The following DOK7 variants were observed in gnomAD, a reference collection of about 807,000 sequenced individuals.
The protein encoded by DOK7 is protein Dok-7.
In DOK7, 32 loss-of-function variants were observed where a neutral mutation model predicts 30.7. The ratio of observed to expected loss-of-function variants is 1.04; its 90% CI spans 0.79 to 1.40. DOK7 has a LOEUF of 1.40. Ranked by LOEUF, DOK7 falls within the 40% of genes most tolerant of loss-of-function variation. The pLI is 0.00. For synonymous variants in DOK7, 447 were observed against 324.1 expected (o/e 1.38, Z -4.07); for missense variants, 1,007 against 699.2 (o/e 1.44, Z -4.97).
At chr4:3,479,656 G>GCCCTCTC (rs1727321405) in intron 4 of DOK7, among the ~76,000 whole-genome samples, 1 of 152,248 alleles carries the variant, frequency 6.6e-6, no homozygotes, top group African/African-American at 2.4e-5. Context: ...CCAAGGCGAT[G>GCCCTCTC]GCTGCGCCTC....
chr4:3,487,427 G>T (rs374723610), intron 5 of DOK7, among the ~76,000 whole-genome samples: 1 of 152,204 alleles, frequency 6.6e-6, no homozygotes, highest in African/African-American at 2.4e-5. Context: ...GCTTTCTGCC[G>T]TCCTCCTGTG....
At chr4:3,466,799 G>A (rs1198755081) in intron 2 of DOK7, among the ~76,000 whole-genome samples, 2 of 152,206 alleles carry the variant, frequency 1.3e-5, no homozygotes, top group East Asian at 1.9e-4. Context: ...CTGGAGCCTC[G>A]TCCTGGGCTG....
chr4:3,492,935 C>T lies in DOK7; in HGVS notation c.949C>T (p.Pro317Ser). 2 of 1,557,502 alleles carry T rather than the reference C, an allele frequency of 1.3e-6. No individual in the cohort carries two copies. The highest frequency in any genetic ancestry group is 1.4e-5 in the African/African-American group (1 of 73,704). Residue 317 changes from proline to serine, a missense_variant, in exon 7 of 7, where the codon CCA (proline) becomes TCA (serine). Pro to Ser is a moderately conservative substitution (Grantham distance 74). Coordinates refer to ENST00000340083, the MANE Select transcript of DOK7 (RefSeq NM_173660.5). ...GGAAGCCATGGTGGGTGCCTCAAGGCCACCCCCCAAGCCGCTGCGTCCGCG... is the reference window on the plus strand; with the variant it reads ...GGAAGCCATGGTGGGTGCCTCAAGGTCACCCCCCAAGCCGCTGCGTCCGCG... ...AGEAMVGASRPPPKPLRPRQL... is the reference protein window; with the variant it reads ...AGEAMVGASRSPPKPLRPRQL...
chr4:3,466,523 C>G (rs150412140), intron 2 of DOK7, among the ~76,000 whole-genome samples: 1 of 152,196 alleles, frequency 6.6e-6, no homozygotes, highest in Non-Finnish European at 1.5e-5. Context: ...CCTGCCCCAA[C>G]GGACTGGGGC....
At chr4:3,468,901 A>G (rs1378681668) in intron 2 of DOK7, among the ~76,000 whole-genome samples, 1 of 125,134 alleles carries the variant, frequency 8.0e-6, no homozygotes, top group African/African-American at 3.1e-5. Flanking sequence ...GTATGTGTGC[A>G]TGTCTGTGTG....
chr4:3,478,048 A>G (rs190636371), intron 4 of DOK7, among the ~76,000 whole-genome samples: 1,907 of 152,208 alleles, frequency 0.013, 44 homozygotes, highest in African/African-American at 0.043. Context: ...GTCCTGACAC[A>G]GGCAGCCTGT....
At chr4:3,474,821 CA>C (rs112450151) in intron 3 of DOK7, among the ~76,000 whole-genome samples, 12 of 147,774 alleles carry the variant, frequency 8.1e-5, no homozygotes, top group East Asian at 2.0e-4. Context: ...GACTCCATCT[CA>C]AAAAAAAAAG....
chr4:3,495,522 T>C (rs1230270756), downstream of DOK7, among the ~76,000 whole-genome samples: 2 of 152,202 alleles, frequency 1.3e-5, no homozygotes, highest in African/African-American at 2.4e-5. Context: ...CTGCCTCTCC[T>C]CACGATGCTC....
At chr4:3,495,154 C>T (rs1245081550), downstream of DOK7, among the ~76,000 whole-genome samples, 7 of 152,198 alleles carry the variant, frequency 4.6e-5, no homozygotes, top group South Asian at 2.1e-4. Flanking sequence ...TGACAGACCC[C>T]GCCTCACTGG....
intron 6 of DOK7, among the ~76,000 whole-genome samples, chr4:3,492,294 C>G (rs1728520874): frequency 1.3e-5 from 2 of 151,696 alleles, no homozygotes; most frequent in Admixed American, 6.6e-5. Flanking sequence ...CAGCTGGTGC[C>G]TCGTGTCCAG....
At chr4:3,485,432 A>C in intron 4 of DOK7, 107 bp from the exon 5 acceptor site, 1 of 1,361,600 alleles carries the variant, frequency 7.3e-7, no homozygotes, top group Non-Finnish European at 9.6e-7. Context: ...GCAGGGTGTC[A>C]TTGTCGGCTC....
downstream of DOK7, chr4:3,496,750 C>T (rs1434727601): frequency 3.1e-5 from 46 of 1,506,946 alleles, no homozygotes; most frequent in East Asian, 4.9e-5. Context: ...TCCTTGTTCT[C>T]GGTGGCCCCC....
intron 4 of DOK7, among the ~76,000 whole-genome samples, chr4:3,485,058 C>T (rs1242399658): frequency 2.6e-5 from 4 of 152,154 alleles, no homozygotes; most frequent in Non-Finnish European, 4.4e-5. Flanking sequence ...GCTGTGGGGG[C>T]AGGGTCGCTG....
chr4:3,493,935 A>C lies in DOK7; in HGVS notation c.*434A>C, dbSNP rs1006104951. On this transcript the variant is annotated 3_prime_UTR_variant, in exon 7 of 7. Transcript: ENST00000340083. ...ATCACCTCTCTGGGGCAGTCACACCACCTGTTAAGCATCAAGCTACCACAG... is the reference window on the plus strand; with the variant it reads ...ATCACCTCTCTGGGGCAGTCACACCCCCTGTTAAGCATCAAGCTACCACAG... 16 of 1,016,730 alleles carry C rather than the reference A, an allele frequency of 1.6e-5. No homozygotes were observed. In the African/African-American group the frequency reaches 2.4e-4, roughly 15 times the overall value. 63.0% of individuals were successfully genotyped at this position (1,016,730 alleles called of 1,614,324 possible). A position where few individuals can be genotyped will look rare whatever the true frequency, so the allele number is the denominator to read the frequency against.
chr4:3,499,216 C>G (rs1729073092), downstream of DOK7, among the ~76,000 whole-genome samples: 1 of 152,194 alleles, frequency 6.6e-6, no homozygotes, highest in African/African-American at 2.4e-5. Context: ...GAGGCCGACC[C>G]TGCAGGGCTG....
chr4:3,464,095 G>A (rs1007617433), intron 2 of DOK7, among the ~76,000 whole-genome samples: 1 of 152,212 alleles, frequency 6.6e-6, no homozygotes, highest in African/African-American at 2.4e-5. Context: ...CCAGCTTGGG[G>A]AGGGTCAGCA....
intron 2 of DOK7, among the ~76,000 whole-genome samples, chr4:3,465,120 A>T (rs1397203863): frequency 6.6e-6 from 1 of 152,062 alleles, no homozygotes; most frequent in Admixed American, 6.5e-5. Context: ...ATTGCTTTGG[A>T]CACCTGCTTT....
chr4:3,466,872 G>A (rs2109318841), intron 2 of DOK7, among the ~76,000 whole-genome samples: 1 of 152,326 alleles, frequency 6.6e-6, no homozygotes, highest in Non-Finnish European at 1.5e-5. Flanking sequence ...CCTGTGCCGG[G>A]CAGGGGCACC....
At chr4:3,500,314 C>G in exon 7 of DOK7, 1 of 1,535,984 alleles carries the variant, frequency 6.5e-7, no homozygotes, top group South Asian at 1.2e-5. Context: ...GAGTCGCCCA[C>G]TTACGTGAAC....
Sources: allele counts gnomAD v4.1 joint callset (sites outside exome capture counted in the v4.1 genomes callset), GRCh38; gene constraint gnomAD v4.1.1; transcripts MANE v1.5; gene names NCBI Gene and HGNC (gene_info 2026-07-23, HGNC 2026-07-21).